GTF2F2: variants seen among roughly 807,000 people sequenced by gnomAD.
The protein encoded by GTF2F2 is ATP-dependent helicase GTF2F2.
In GTF2F2, 23 loss-of-function variants were observed where a neutral mutation model predicts 42.2. That is an observed-to-expected ratio of 0.55 (90% CI 0.39 to 0.77). The LOEUF (loss-of-function observed/expected upper bound fraction) is 0.77. Ranked by LOEUF, GTF2F2 falls within the 30% of genes least tolerant of loss-of-function variation. The pLI is 0.00. For synonymous variants in GTF2F2, 105 were observed against 100.8 expected, an observed-to-expected ratio of 1.04 and a Z score of -0.25; for missense variants, 261 against 287.2, an observed-to-expected ratio of 0.91 and a Z score of 0.66.
At chr13:45,208,182 A>G (rs1052785318) in intron 5 of GTF2F2, among the ~76,000 whole-genome samples, 4 of 152,064 alleles carry the variant, frequency 2.6e-5, no homozygotes, top group Middle Eastern at 3.4e-3. Context: ...ATATCGTCCT[A>G]TTCTCTTGAT....
intron 4 of GTF2F2, among the ~76,000 whole-genome samples, chr13:45,184,124 C>T (rs749024383): frequency 6.6e-6 from 1 of 151,980 alleles, no homozygotes; most frequent in African/African-American, 2.4e-5. Context: ...CCAAAGTGAG[C>T]GACTGCACCT....
chr13:45,162,712 A>G (rs1871097004), intron 4 of GTF2F2, among the ~76,000 whole-genome samples: 1 of 152,210 alleles, frequency 6.6e-6, no homozygotes, highest in African/African-American at 2.4e-5. Flanking sequence ...AGGAGGATTA[A>G]AAGAAACCGC....
intron 1 of GTF2F2, among the ~76,000 whole-genome samples, chr13:45,127,444 G>A (rs1869073964): frequency 6.6e-6 from 1 of 151,516 alleles, no homozygotes; most frequent in African/African-American, 2.4e-5. Context: ...TCCTGCCTCA[G>A]CCTCCTGAGT....
intron 5 of GTF2F2, among the ~76,000 whole-genome samples, chr13:45,211,956 AAC>A (rs549220980): frequency 7.3e-5 from 11 of 151,342 alleles, no homozygotes; most frequent in Admixed American, 5.3e-4. Context: ...AACCTGAAGA[AAC>A]ACACACACAC....
At chr13:45,218,982 T>A (rs1015245195) in intron 5 of GTF2F2, among the ~76,000 whole-genome samples, 1 of 152,174 alleles carries the variant, frequency 6.6e-6, no homozygotes, top group South Asian at 2.1e-4. Context: ...AAGGAATCTT[T>A]GAGTTTCTAA....
At chr13:45,155,224 A>G (rs1314024582) in intron 4 of GTF2F2, among the ~76,000 whole-genome samples, 2 of 152,238 alleles carry the variant, frequency 1.3e-5, no homozygotes, top group Non-Finnish European at 2.9e-5. Flanking sequence ...CTGCCAAAGT[A>G]TAAGTGACTA....
chr13:45,254,907 C>T (rs1015538207), intron 6 of GTF2F2, among the ~76,000 whole-genome samples: 1 of 152,054 alleles, frequency 6.6e-6, no homozygotes, highest in African/African-American at 2.4e-5. Context: ...TGGCTCACGC[C>T]TGTAATCCCA....
intron 4 of GTF2F2, among the ~76,000 whole-genome samples, chr13:45,153,389 T>A (rs1870597990): frequency 6.6e-6 from 1 of 152,114 alleles, no homozygotes; most frequent in Admixed American, 6.5e-5. Flanking sequence ...CTTTTTTTTC[T>A]TGGATGTACA....
At chr13:45,219,145 G>T (rs1049545001) in intron 5 of GTF2F2, among the ~76,000 whole-genome samples, 1 of 145,012 alleles carries the variant, frequency 6.9e-6, no homozygotes, top group African/African-American at 2.6e-5. Context: ...TGAATTAGAA[G>T]TTCTTTTTAG....
rs897959932 is a variant in GTF2F2, at chr13:45,126,529, C to T, written c.66+5808C>T. Among the ~76,000 whole-genome samples, 25 of 152,272 alleles carry T rather than the reference C, an allele frequency of 1.6e-4. No homozygotes were observed. In the South Asian group the frequency reaches 2.5e-3, roughly 15 times the overall value. On this transcript the variant is annotated intron_variant, in intron 1 of 7. Coordinates refer to ENST00000340473, the MANE Select transcript of GTF2F2 (RefSeq NM_004128.3). ...CCTCCCAAACTGCTGGGATTACAGGCGTAAGCCACTGTGCCCAGCGACAAG... is the reference window on the plus strand; with the variant it reads ...CCTCCCAAACTGCTGGGATTACAGGTGTAAGCCACTGTGCCCAGCGACAAG...
At chr13:45,229,131 C>T (rs1380240281) in intron 5 of GTF2F2, among the ~76,000 whole-genome samples, 4 of 152,274 alleles carry the variant, frequency 2.6e-5, no homozygotes, top group Non-Finnish European at 2.9e-5. Flanking sequence ...GATCTGCCCA[C>T]CTCGGCCTCC....
chr13:45,224,881 T>C (rs955798458), intron 5 of GTF2F2, among the ~76,000 whole-genome samples: 6 of 152,264 alleles, frequency 3.9e-5, no homozygotes, highest in Non-Finnish European at 8.8e-5. Flanking sequence ...TGTATGTTCA[T>C]GAAGCCTCCA....
intron 1 of GTF2F2, 56 bp downstream of exon 1, chr13:45,120,777 AACTT>A (rs1236387430): frequency 8.5e-6 from 11 of 1,287,502 alleles, no homozygotes; most frequent in African/African-American, 1.5e-5. Context: ...TAGTTTAAGT[AACTT>A]GAGCCTATCC....
At chr13:45,261,519 A>G (rs1876343833) in intron 6 of GTF2F2, among the ~76,000 whole-genome samples, 1 of 152,160 alleles carries the variant, frequency 6.6e-6, no homozygotes, top group Non-Finnish European at 1.5e-5. Flanking sequence ...ACTGAAGACT[A>G]AAGTACTTTC....
chr13:45,220,848 C>T (rs943491679), intron 5 of GTF2F2: 2 of 152,016 alleles, frequency 1.3e-5, no homozygotes, highest in Non-Finnish European at 2.9e-5. Context: ...TGGTTACTGA[C>T]CTTAGTCATC....
rs1021979075 is a variant in GTF2F2 at position 45,184,342 on chromosome 13, T to G, written c.305-23082T>G. 2.0e-5 allele frequency among the ~76,000 whole-genome samples: 3 copies of G among 152,166 alleles called. No homozygotes were observed. The East Asian group carries it at 5.8e-4, about 29-fold the overall frequency. On this transcript the variant is annotated intron_variant, in intron 4 of 7. Transcript: ENST00000340473. ...TAGCCTTTTACTTCATTAGTAATTTTTAACATGGGTGGCGTTGATTGGTGA... is the reference window on the plus strand; with the variant it reads ...TAGCCTTTTACTTCATTAGTAATTTGTAACATGGGTGGCGTTGATTGGTGA...
intron 4 of GTF2F2, among the ~76,000 whole-genome samples, chr13:45,169,070 G>T (rs1449462958): frequency 6.6e-6 from 1 of 151,108 alleles, no homozygotes; most frequent in African/African-American, 2.4e-5. Flanking sequence ...GGCCAGGTTG[G>T]TTTCGAACTC....
chr13:45,136,620 GATA>G (rs1869636152), intron 1 of GTF2F2, 110 bp from the exon 2 acceptor site: 1 of 622,040 alleles, frequency 1.6e-6, no homozygotes, highest in South Asian at 2.1e-5. Flanking sequence ...GTAGTAACTT[GATA>G]ATGATCCCTT....
chr13:45,163,278 C>G (rs575409332), intron 4 of GTF2F2, among the ~76,000 whole-genome samples: 2 of 152,282 alleles, frequency 1.3e-5, no homozygotes, highest in South Asian at 4.1e-4. Flanking sequence ...TTAGGAAGAA[C>G]TTGGTTTCTT....
Sources: allele counts gnomAD v4.1 joint callset (sites outside exome capture counted in the v4.1 genomes callset), GRCh38; gene constraint gnomAD v4.1.1; transcripts MANE v1.5; gene names NCBI Gene and HGNC (gene_info 2026-07-23, HGNC 2026-07-21).